CUEDC1: variants seen among roughly 807,000 people sequenced by gnomAD.
The protein encoded by CUEDC1 is CUE domain-containing protein 1.
CUEDC1 carries 30 observed loss-of-function variants against 43.7 expected under a neutral mutation model. That is an observed-to-expected ratio of 0.69 (90% CI 0.51 to 0.93). The LOEUF (loss-of-function observed/expected upper bound fraction) is 0.93. CUEDC1 is among the 40% of genes least tolerant of loss of function. The pLI, the probability that CUEDC1 is intolerant of heterozygous loss-of-function variation, is 0.00. For synonymous variants in CUEDC1, 223 were observed against 223.6 expected, an observed-to-expected ratio of 1.00 and a Z score of 0.02; for missense variants, 486 against 549.0, an observed-to-expected ratio of 0.89 and a Z score of 1.15.
chr17:57,904,425 G>C (rs1172388214), intron 1 of CUEDC1, among the ~76,000 whole-genome samples: 4 of 152,138 alleles, frequency 2.6e-5, no homozygotes, highest in African/African-American at 9.7e-5. Flanking sequence ...GGAGGTGGGA[G>C]GGAGGGAAGG....
At chr17:57,943,104 C>T (rs1346699814) in intron 1 of CUEDC1, among the ~76,000 whole-genome samples, 2 of 152,160 alleles carry the variant, frequency 1.3e-5, no homozygotes, top group Non-Finnish European at 2.9e-5. Flanking sequence ...ACATGCCTCC[C>T]TATTCTTTTC....
intron 1 of CUEDC1, among the ~76,000 whole-genome samples, chr17:57,927,307 C>T (rs78922630): frequency 0.094 from 14,233 of 151,394 alleles, 817 homozygotes; most frequent in Non-Finnish European, 0.13. Flanking sequence ...CCACTCCCCC[C>T]GGGAGTCTCC....
intron 1 of CUEDC1, among the ~76,000 whole-genome samples, chr17:57,916,322 C>T (rs912622637): frequency 1.3e-5 from 2 of 152,246 alleles, no homozygotes; most frequent in Non-Finnish European, 2.9e-5. Context: ...AGCCATGCAG[C>T]GGGGTCTCCC....
intron 5 of CUEDC1, among the ~76,000 whole-genome samples, chr17:57,872,235 T>A (rs145558739): frequency 2.4e-4 from 36 of 152,314 alleles, no homozygotes; most frequent in African/African-American, 8.4e-4. Context: ...TGCTCTAAAG[T>A]CTTCCACTCA....
At chr17:57,908,417 C>T (rs946322283) in intron 1 of CUEDC1, among the ~76,000 whole-genome samples, 1 of 152,124 alleles carries the variant, frequency 6.6e-6, no homozygotes, top group Non-Finnish European at 1.5e-5. Context: ...AGTAGGGCCC[C>T]ACATGCTGAG....
In CUEDC1 at chr17:57,869,147, C is replaced by T. The variant is rs1466396315; in HGVS notation, c.915G>A (p.Arg305=). ...NPAVSEDALF[R]DKLKHMGKST... is the part of the protein sequence containing the mutation. The stretch of plus-strand genomic sequence containing the variant: ...ACTTTCCCATGTGTTTCAGCTTGTC[C>T]CTGAATAAGGCATCTTCAGACACAG... The change falls in exon 7 of 11, where the codon AGG becomes AGA. Residue 305 remains arginine, a synonymous_variant. Coordinates refer to ENST00000577830, the MANE Select transcript of CUEDC1 (RefSeq NM_001271875.2). 10 of 1,614,098 alleles carry T rather than the reference C, an allele frequency of 6.2e-6. No homozygotes were observed. The highest frequency in any genetic ancestry group is 2.2e-5 in the East Asian group (1 of 44,872).
chr17:57,904,411 T>C (rs1305945443), intron 1 of CUEDC1, among the ~76,000 whole-genome samples: 1 of 151,536 alleles, frequency 6.6e-6, no homozygotes, highest in Non-Finnish European at 1.5e-5. Context: ...GGGATGAAGG[T>C]TGGGGAGGTG....
At chr17:57,884,804 G>A (rs2074264851) in intron 2 of CUEDC1, among the ~76,000 whole-genome samples, 1 of 152,210 alleles carries the variant, frequency 6.6e-6, no homozygotes, top group Non-Finnish European at 1.5e-5. Flanking sequence ...CGCGCTTCTA[G>A]TCCACACTGG....
chr17:57,917,867 C>T (rs1469017730), intron 1 of CUEDC1, among the ~76,000 whole-genome samples: 3 of 152,228 alleles, frequency 2.0e-5, no homozygotes, highest in Non-Finnish European at 4.4e-5. Context: ...TGACCCACCC[C>T]AAGGCTTTTT....
chr17:57,932,534 G>A (rs1472418548), intron 1 of CUEDC1, among the ~76,000 whole-genome samples: 2 of 137,744 alleles, frequency 1.5e-5, no homozygotes, highest in Non-Finnish European at 3.0e-5. Flanking sequence ...GCAGTGAGCA[G>A]AGATCACGCC....
Position 57,932,281 on chromosome 17 carries a change from C to CAAAAAAAAAAAAAA in CUEDC1, c.-316+22930_-316+22943dup, listed in dbSNP as rs56137797. ...TGGGCAACAAAGTGACACTGTGTCT[C>CAAAAAAAAAAAAAA]AAAAAAAAAAAAAAAAAAAAAAGGC... On this transcript the variant is annotated intron_variant, in intron 1 of 10. Transcript: ENST00000577830. 8.2e-4 allele frequency among the ~76,000 whole-genome samples: 100 copies of CAAAAAAAAAAAAAA among 121,930 alleles called. 4 individuals carry two copies. The highest frequency in any genetic ancestry group is 3.9e-3 in the African/African-American group (88 of 22,490). The allele number at this position is 121,930 out of a possible 152,430, so 80.0% of individuals were successfully genotyped here.
chr17:57,885,222 C>T lies in CUEDC1; in HGVS notation c.336+7G>A. ...GGTGGTTGGAATTACCCGGGCTGCG[C>T]CCCTACCTCCGGGGGGATGCTGTCC... On this transcript the variant is annotated splice_region_variant and intron_variant, in intron 2 of 10. Coordinates refer to ENST00000577830, the MANE Select transcript of CUEDC1 (RefSeq NM_001271875.2). 1 of 1,557,604 alleles carries T rather than the reference C, an allele frequency of 6.4e-7. No homozygotes were observed. The highest frequency in any genetic ancestry group is 1.2e-5 in the South Asian group (1 of 82,870).
intron 1 of CUEDC1, among the ~76,000 whole-genome samples, chr17:57,893,011 C>G (rs1597989304): frequency 6.6e-6 from 1 of 152,256 alleles, no homozygotes; most frequent in Non-Finnish European, 1.5e-5. Flanking sequence ...GCATGCAAGA[C>G]AAGCCACTTG....
At chr17:57,870,635 G>C (rs35112216) in intron 6 of CUEDC1, among the ~76,000 whole-genome samples, 1 of 151,556 alleles carries the variant, frequency 6.6e-6, no homozygotes, top group Non-Finnish European at 1.5e-5. Flanking sequence ...CAAGACTTAT[G>C]AGTCTCTGAG....
Position 57,930,218 on chromosome 17 carries a change from C to T in CUEDC1, c.-316+25007G>A, listed in dbSNP as rs547138818. Reference sequence around the variant, plus strand: ...TCCATTTCTAACCAGGTGATGTCAGCGCTGCTGGTCTAGGGACCTGACTTT... The same window carrying T: ...TCCATTTCTAACCAGGTGATGTCAGTGCTGCTGGTCTAGGGACCTGACTTT... On this transcript the variant is annotated intron_variant, in intron 1 of 10. Coordinates refer to ENST00000577830, the MANE Select transcript of CUEDC1 (RefSeq NM_001271875.2). The surrounding 1 kb of genome is among the most constrained non-coding windows in gnomAD (Gnocchi z 4.2). 2.8e-4 allele frequency among the ~76,000 whole-genome samples: 42 copies of T among 152,300 alleles called. No individual in the cohort carries two copies. The highest frequency in any genetic ancestry group is 9.6e-4 in the African/African-American group (40 of 41,560).
intron 1 of CUEDC1, among the ~76,000 whole-genome samples, chr17:57,926,795 T>C (rs1275533905): frequency 6.6e-6 from 1 of 152,142 alleles, no homozygotes; most frequent in African/African-American, 2.4e-5. Context: ...GTTTTTCTTT[T>C]CAAACCACTC....
At chr17:57,906,906 G>A (rs544380469) in intron 1 of CUEDC1, among the ~76,000 whole-genome samples, 2 of 151,492 alleles carry the variant, frequency 1.3e-5, no homozygotes, top group South Asian at 4.2e-4. Context: ...AGGAGGTGGA[G>A]GTTGTGATGA....
chr17:57,934,221 G>A (rs571339276), intron 1 of CUEDC1, among the ~76,000 whole-genome samples: 52 of 152,192 alleles, frequency 3.4e-4, no homozygotes, highest in South Asian at 4.2e-4. Context: ...GTGAAAGCCC[G>A]TCTCTACTAA....
chr17:57,897,213 A>T (rs533056258), intron 1 of CUEDC1, among the ~76,000 whole-genome samples: 3 of 152,240 alleles, frequency 2.0e-5, no homozygotes, highest in Non-Finnish European at 2.9e-5. Context: ...CCCACAGTAC[A>T]GCAATGAATA....
Sources: gnomAD v4.1 joint callset for allele counts (sites outside exome capture counted in the v4.1 genomes callset) on GRCh38, gnomAD v4.1.1 for gene constraint, Gnocchi (gnomAD v3.1) non-coding constraint, MANE v1.5 for transcripts, NCBI Gene and HGNC (gene_info 2026-07-23, HGNC 2026-07-21) for gene names.